Variants in IQSEC3 observed in about 807,000 individuals in gnomAD.
IQSEC3 encodes IQ motif and SEC7 domain-containing protein 3.
A neutral mutation model predicts 105.4 loss-of-function variants in IQSEC3; 50 were observed. The observed-to-expected ratio is 0.47, with a 90% CI of 0.38 to 0.60. The LOEUF is 0.60. Ranked by LOEUF, IQSEC3 falls within the 20% of genes least tolerant of loss-of-function variation. The pLI is 0.00. For missense variants in IQSEC3, 1,415 were observed against 1,630.0 expected (o/e 0.87, Z 2.27); for synonymous variants, 708 against 746.0 (o/e 0.95, Z 0.83).
chr12:165,803 C>T lies in IQSEC3; in HGVS notation c.2884C>T (p.Leu962=), dbSNP rs782505663. ...GAAGCAGGTGCTGCATTTCTGTGCC[C>T]TGGGCTCGGACGAGATGCAGAAGTT... ...EKKQVLHFCA[L]GSDEMQKFVE... is the part of the protein sequence containing the mutation. The change falls in exon 11 of 14, where the codon CTG becomes TTG. Residue 962 remains leucine, a synonymous_variant. Coordinates refer to ENST00000538872, the MANE Select transcript of IQSEC3 (RefSeq NM_001170738.2). 1.9e-6 allele frequency: 3 copies of T among 1,614,054 alleles called. No individual in the cohort carries two copies. The highest frequency in any genetic ancestry group is 2.5e-6 in the Non-Finnish European group (3 of 1,180,044).
Position 78,823 on chromosome 12 carries a change from C to A in IQSEC3, c.554+11387C>A, listed in dbSNP as rs534278031. 5.9e-5 allele frequency among the ~76,000 whole-genome samples: 9 copies of A among 152,182 alleles called. No individual in the cohort carries two copies. The East Asian group carries it at 1.5e-3, about 26-fold the overall frequency. On this transcript the variant is annotated intron_variant, in intron 1 of 13. Coordinates refer to ENST00000538872, the MANE Select transcript of IQSEC3 (RefSeq NM_001170738.2). ...CGTCAGGCAAGCCGAGTGCCTGGCA[C>A]GCAGTGAGGGCTCGACGCGGGGTGG...
intron 3 of IQSEC3, among the ~76,000 whole-genome samples, chr12:126,472 G>A (rs1353367596): frequency 1.3e-5 from 2 of 152,062 alleles, no homozygotes; most frequent in Non-Finnish European, 2.9e-5. Context: ...GTGGCCAATT[G>A]TGGGGCCCCC....
intron 1 of IQSEC3, among the ~76,000 whole-genome samples, chr12:74,351 C>T (rs1158650458): frequency 1.3e-5 from 2 of 152,222 alleles, no homozygotes; most frequent in East Asian, 3.8e-4. Flanking sequence ...CATGAGATAT[C>T]TTCCAGGAAA....
rs1004834230 is a variant in IQSEC3, at chr12:138,988, C to T, written c.1625C>T (p.Ala542Val). 5.2e-6 allele frequency: 8 copies of T among 1,536,492 alleles called. No homozygotes were observed. The highest frequency in any genetic ancestry group is 4.1e-5 in the Admixed American group (2 of 48,516). ...GGGCGGGAGGCCCCGGAAGCCCCCGCCGTGGGCCGGGAGGACGCGTCAGCC... is the reference window on the plus strand; with the variant it reads ...GGGCGGGAGGCCCCGGAAGCCCCCGTCGTGGGCCGGGAGGACGCGTCAGCC... The part of the protein sequence containing the change: ...TSGREAPEAP[A>V]VGREDASAED... Residue 542 changes from alanine (A) to valine (V), a missense_variant, in exon 4 of 14, where the codon GCC becomes GTC. This residue lies in a region of IQSEC3 where 720 missense variants were observed against 633.0 expected (regional missense o/e 1.14). Coordinates refer to ENST00000538872, the MANE Select transcript of IQSEC3 (RefSeq NM_001170738.2). The surrounding 1 kb of genome is among the most constrained non-coding windows in gnomAD (Gnocchi z 7.1).
At chr12:127,464 C>G (rs533354209) in intron 3 of IQSEC3, among the ~76,000 whole-genome samples, 1 of 152,100 alleles carries the variant, frequency 6.6e-6, no homozygotes, top group South Asian at 2.1e-4. Context: ...TGCAGTGAGC[C>G]AAGATTGCAC....
In IQSEC3 at chr12:169,118, T is replaced by C; in HGVS notation, c.3064+13T>C. On this transcript the variant is annotated intron_variant, in intron 12 of 13. Transcript: ENST00000538872. Reference sequence around the variant, plus strand: ...GGATCGCCGACAGGTGAGCCTCGGCTCCGCTCAGGGCACCAGTCCCCATGG... The same window carrying C: ...GGATCGCCGACAGGTGAGCCTCGGCCCCGCTCAGGGCACCAGTCCCCATGG... The C allele has an allele frequency of 6.2e-7, 1 of 1,612,222 alleles. No homozygotes were observed. The highest frequency in any genetic ancestry group is 8.5e-7 in the Non-Finnish European group (1 of 1,178,952).
chr12:163,128 C>A (rs1034371525), intron 8 of IQSEC3, among the ~76,000 whole-genome samples: 2 of 151,224 alleles, frequency 1.3e-5, no homozygotes, highest in Non-Finnish European at 2.9e-5. Context: ...GGCCCCAGGA[C>A]AGAACCGGAG....
In IQSEC3 at chr12:165,439, C is replaced by A; in HGVS notation, c.2715C>A (p.Leu905=). 1.9e-6 allele frequency: 3 copies of A among 1,613,926 alleles called. No homozygotes were observed. Among genetic ancestry groups the A allele is most frequent in the Non-Finnish European group, 2.5e-6 (3 of 1,179,876 alleles). The change falls in exon 10 of 14, where the codon CTC becomes CTA. Residue 905 remains leucine (L), a synonymous_variant. Coordinates refer to ENST00000538872, the MANE Select transcript of IQSEC3 (RefSeq NM_001170738.2). ...TGTTTCCCTCTCCTGAACAGATTCTCAAACTTTGCCCGAAGAAGAAGAGCT... is the reference window on the plus strand; with the variant it reads ...TGTTTCCCTCTCCTGAACAGATTCTAAAACTTTGCCCGAAGAAGAAGAGCT... ...VFLFNDLLVI[L]KLCPKKKSSS...
chr12:158,459 C>T (rs1181966099), intron 7 of IQSEC3, among the ~76,000 whole-genome samples: 4 of 152,132 alleles, frequency 2.6e-5, no homozygotes, highest in South Asian at 2.1e-4. Context: ...TGTACGGTCA[C>T]GTGCACTGTG....
chr12:128,669 C>A (rs1266587912), intron 3 of IQSEC3, among the ~76,000 whole-genome samples: 1 of 152,120 alleles, frequency 6.6e-6, no homozygotes, highest in Non-Finnish European at 1.5e-5. Context: ...CTTAACAGTT[C>A]CCGAATCCCA....
At chr12:134,328 C>A (rs1865688926) in intron 3 of IQSEC3, among the ~76,000 whole-genome samples, 1 of 152,200 alleles carries the variant, frequency 6.6e-6, no homozygotes, top group Non-Finnish European at 1.5e-5. Flanking sequence ...GGGACAGATG[C>A]AAGAATTTAA....
rs111698246 is a variant in IQSEC3 at position 143,826 on chromosome 12, CGTGTGTGTGTGTGT to C, written c.2153+2569_2153+2582del. On this transcript the variant is annotated intron_variant, in intron 5 of 13. Coordinates refer to ENST00000538872, the MANE Select transcript of IQSEC3 (RefSeq NM_001170738.2). ...TGAGAATGGGGCCACGCTGGGCACC[CGTGTGTGTGTGTGT>C]GTGTGTGTGTGTGTGTGTGTGTGTG... 3.3e-4 allele frequency: 48 copies of C among 147,530 alleles called. 1 individual carries two copies. In the East Asian group the frequency reaches 7.6e-3, roughly 23 times the overall value. The allele number at this position is 147,530 out of a possible 1,614,324, so 9.1% of individuals were successfully genotyped here. A position where few individuals can be genotyped will look rare whatever the true frequency, so the allele number is the denominator to read the frequency against.
intron 2 of IQSEC3, 112 bp from the exon 3 acceptor site, chr12:125,521 C>G: frequency 8.8e-7 from 1 of 1,138,276 alleles, no homozygotes; most frequent in Non-Finnish European, 1.2e-6. Context: ...CCCTCCAGTC[C>G]TTGCCACAGG....
At chr12:170,115 A>C (rs1555099819) in intron 12 of IQSEC3, among the ~76,000 whole-genome samples, 1 of 152,202 alleles carries the variant, frequency 6.6e-6, no homozygotes, top group African/African-American at 2.4e-5. Flanking sequence ...TCTTTTCGCT[A>C]TGTGGAGATT....
chr12:173,578 C>T (rs922765683), intron 13 of IQSEC3, among the ~76,000 whole-genome samples: 2 of 152,144 alleles, frequency 1.3e-5, no homozygotes, highest in African/African-American at 4.8e-5. Flanking sequence ...GAGCACTGGC[C>T]CCAGGTGGTG....
chr12:177,455 G>A lies in IQSEC3; in HGVS notation c.*2422G>A, dbSNP rs1357770831. 6.6e-6 allele frequency: 1 copy of A among 152,168 alleles called. No individual in the cohort carries two copies. The highest frequency in any genetic ancestry group is 6.5e-5 in the Admixed American group (1 of 15,274). The allele number at this position is 152,168 out of a possible 1,614,324, so 9.4% of individuals were successfully genotyped here. A position where few individuals can be genotyped will look rare whatever the true frequency, so the allele number is the denominator to read the frequency against. ...CATCTGGGCCTCTAGCTGAGAACCC[G>A]GACTCTCAGGCACCTCAGTGCCCCT... On this transcript the variant is annotated 3_prime_UTR_variant, in exon 14 of 14. Transcript: ENST00000538872. The surrounding 1 kb of genome is among the most constrained non-coding windows in gnomAD (Gnocchi z 5.3).
chr12:126,303 A>G (rs1215128043), intron 3 of IQSEC3, among the ~76,000 whole-genome samples: 1 of 152,214 alleles, frequency 6.6e-6, no homozygotes. Flanking sequence ...AGCCGGTGTT[A>G]GGCACCCACA....
At chr12:85,162 C>T (rs542537352) in intron 1 of IQSEC3, among the ~76,000 whole-genome samples, 3 of 152,332 alleles carry the variant, frequency 2.0e-5, no homozygotes, top group South Asian at 2.1e-4. Flanking sequence ...GACTTGCCTT[C>T]GCCATTCCTG....
chr12:169,759 C>T (rs1165881436), intron 12 of IQSEC3, among the ~76,000 whole-genome samples: 3 of 152,242 alleles, frequency 2.0e-5, no homozygotes, highest in Non-Finnish European at 4.4e-5. Flanking sequence ...TCCACCACCT[C>T]CCTCCACCAG....
Sources: allele counts gnomAD v4.1 joint callset (sites outside exome capture counted in the v4.1 genomes callset), GRCh38; gene constraint gnomAD v4.1.1; regional missense constraint gnomAD v4.1.1; non-coding constraint Gnocchi (gnomAD v3.1); transcripts MANE v1.5; gene names NCBI Gene and HGNC (gene_info 2026-07-23, HGNC 2026-07-21).